HTATSF1: variants seen among roughly 807,000 people sequenced by gnomAD.
HTATSF1 encodes 17S U2 SnRNP complex component HTATSF1.
A neutral mutation model predicts 46.1 loss-of-function variants in HTATSF1; 6 were observed. The ratio of observed to expected loss-of-function variants is 0.13; its 90% confidence interval spans 0.07 to 0.26. The LOEUF (loss-of-function observed/expected upper bound fraction) is 0.26. HTATSF1 is among the 10% of genes least tolerant of loss of function. The probability of loss-of-function intolerance (pLI) is 1.00; values close to 1 mark genes in which losing one functional copy is unlikely to be tolerated. For synonymous variants in HTATSF1, 226 were observed against 211.5 expected (o/e 1.07, Z -0.60); for missense variants, 452 against 559.9 (o/e 0.81, Z 1.94).
Position 136,510,153 on chromosome X carries a change from C to G in HTATSF1, c.996C>G (p.Leu332=). The change falls in exon 8 of 9, where the codon CTC becomes CTG. Residue 332 remains leucine (L), a synonymous_variant. Transcript: ENST00000218364. ...PEEADYCIQT[L]DGRWFGGRQI... ...AAGCTGATTATTGTATTCAGACTCTCGATGGAAGATGGTTTGGTGGCCGTC... is the reference window on the plus strand; with the variant it reads ...AAGCTGATTATTGTATTCAGACTCTGGATGGAAGATGGTTTGGTGGCCGTC... 1 of 1,209,055 alleles carries G rather than the reference C, an allele frequency of 8.3e-7. No homozygotes were observed. Among genetic ancestry groups the G allele is most frequent in the East Asian group, 3.0e-5 (1 of 33,783 alleles).
At chrX:136,497,459 A>C (rs1157908306), upstream of HTATSF1, 5 of 171,155 alleles carry the variant, frequency 2.9e-5, no homozygotes, top group East Asian at 3.5e-4. Context: ...GGCGCGGCCG[A>C]GCTCACAGCA....
Position 136,500,740 on chromosome X carries a change from G to T in HTATSF1, c.492G>T (p.Gln164His). 1 of 1,134,422 alleles carries T rather than the reference G, an allele frequency of 8.8e-7. No individual in the cohort carries two copies. Among genetic ancestry groups the T allele is most frequent in the Non-Finnish European group, 1.2e-6 (1 of 851,164 alleles). 93.5% of individuals were successfully genotyped at this position (1,134,422 alleles called of 1,213,427 possible). Reference sequence around the variant, plus strand: ...TTGGCATTATTATGAGAGATCCTCAGACAGAAGAATTTAAGGTCAAACTTT... The same window carrying T: ...TTGGCATTATTATGAGAGATCCTCATACAGAAGAATTTAAGGTCAAACTTT... ...SKFGIIMRDP[Q>H]TEEFKVKLYK... The change falls in exon 4 of 9, where the codon CAG (glutamine) becomes CAT (histidine). Residue 164 changes from glutamine (Q) to histidine (H), a missense_variant. By Grantham distance (24) the Gln-to-His change is conservative. Coordinates refer to ENST00000218364, the MANE Select transcript of HTATSF1 (RefSeq NM_014500.5).
intron 5 of HTATSF1, among the ~76,000 whole-genome samples, chrX:136,503,814 A>G (rs1183972941): frequency 8.9e-6 from 1 of 111,811 alleles, no homozygotes; most frequent in East Asian, 2.8e-4. Context: ...GCCCTGAAAA[A>G]CATTTCATCT....
chrX:136,501,591 G>A (rs947940178), intron 4 of HTATSF1, among the ~76,000 whole-genome samples: 1 of 111,578 alleles, frequency 9.0e-6, no homozygotes, highest in Non-Finnish European at 1.9e-5. Flanking sequence ...ATTATCACAG[G>A]GTACAGAACA....
At chrX:136,499,180 G>A (rs753277734) in intron 1 of HTATSF1, among the ~76,000 whole-genome samples, 4 of 112,692 alleles carry the variant, frequency 3.5e-5, no homozygotes, top group Non-Finnish European at 5.6e-5. Context: ...TGTACAGTAA[G>A]AGAAAATTGG....
chrX:136,501,984 A>C (rs2075720406), intron 4 of HTATSF1, among the ~76,000 whole-genome samples: 1 of 111,994 alleles, frequency 8.9e-6, no homozygotes, highest in Non-Finnish European at 1.9e-5. Context: ...CAAGATTGTC[A>C]AAACAGTAAA....
At chrX:136,504,224 A>T (rs2075732052) in intron 5 of HTATSF1, 140 bp from the exon 6 acceptor site, 2 of 434,299 alleles carry the variant, frequency 4.6e-6, no homozygotes. Context: ...TATGACTGAA[A>T]TACAGTTTGT....
At chrX:136,510,408 AT>A (rs1473491207) in intron 8 of HTATSF1, among the ~76,000 whole-genome samples, 189 bp downstream of exon 8, 2 of 112,716 alleles carry the variant, frequency 1.8e-5, no homozygotes, top group African/African-American at 6.4e-5. Flanking sequence ...TTTAAATAAT[AT>A]TTTGCATTCA....
chrX:136,501,769 C>G (rs1017040620), intron 4 of HTATSF1, among the ~76,000 whole-genome samples: 2 of 111,708 alleles, frequency 1.8e-5, no homozygotes, highest in East Asian at 5.6e-4. Flanking sequence ...GGTTTTTGAC[C>G]TGAATCTTAA....
chrX:136,511,598 G>A lies in HTATSF1; in HGVS notation c.1853G>A (p.Arg618Lys), dbSNP rs146112744. 1.4e-4 allele frequency: 167 copies of A among 1,209,374 alleles called. No individual in the cohort carries two copies. The African/African-American group carries it at 2.6e-3, about 19-fold the overall frequency. Residue 618 changes from arginine to lysine, a missense_variant, in exon 9 of 9, where the codon AGA (arginine) becomes AAA (lysine). This residue lies in a region of HTATSF1 where 246 missense variants were observed against 245.3 expected (regional missense o/e 1.00). Transcript: ENST00000218364. Reference protein sequence around the residue: ...EKVLDEEGSEREFDEDSDEKE... With the variant: ...EKVLDEEGSEKEFDEDSDEKE... ...GTGTTAGATGAGGAAGGCTCTGAGA[G>A]AGAGTTTGACGAAGATTCAGATGAA...
rs45563032 is a variant in HTATSF1 at position 136,497,708 on chromosome X, G to C, written c.24G>C (p.Gly8=). Residue 8 remains glycine (G), a synonymous_variant, in exon 1 of 9, where the codon GGG becomes GGC. Transcript: ENST00000218364. Reference sequence around the variant, plus strand: ...ACATGAGCGGCACCAACTTGGATGGGAACGATGAGTTTGATGAGCAGTTGC... The same window carrying C: ...ACATGAGCGGCACCAACTTGGATGGCAACGATGAGTTTGATGAGCAGTTGC... MSGTNLD[G]NDEFDEQLRM... is the part of the protein sequence containing the mutation. 2.1e-3 allele frequency: 2,462 copies of C among 1,199,851 alleles called. 3 individuals are homozygous for C. The highest frequency in any genetic ancestry group is 2.7e-3 in the Non-Finnish European group (2,393 of 887,258).
At position 136,511,292 on chromosome X, in the gene HTATSF1, G is replaced by A; in HGVS notation, c.1547G>A (p.Gly516Asp). 1 of 1,208,265 alleles carries A rather than the reference G, an allele frequency of 8.3e-7. No homozygotes were observed. The highest frequency in any genetic ancestry group is 1.1e-6 in the Non-Finnish European group (1 of 894,668). The change falls in exon 9 of 9, where the codon GGC (glycine) becomes GAC (aspartate). Residue 516 changes from glycine to aspartate, a missense_variant. Physicochemically the swap from Gly to Asp is moderately conservative, Grantham distance 94. Around this residue, in one of 3 missense-constraint regions of HTATSF1, gnomAD observed 246 missense variants for 245.3 expected, o/e 1.00. Coordinates refer to ENST00000218364, the MANE Select transcript of HTATSF1 (RefSeq NM_014500.5). ...CTCAAAAATGATTGTGAAGAGAATG[G>A]CCTTGCAAAGGAATCTGAAGATGAC... ...KTLKNDCEEN[G>D]LAKESEDDLN... is the part of the protein sequence containing the mutation.
chrX:136,498,246 G>T (rs910177763), intron 1 of HTATSF1, among the ~76,000 whole-genome samples: 1 of 111,901 alleles, frequency 8.9e-6, no homozygotes, highest in African/African-American at 3.3e-5. Context: ...TGTACTATGT[G>T]CAAAATGCAG....
chrX:136,512,017 C>G lies in HTATSF1; in HGVS notation c.*4C>G. The stretch of plus-strand genomic sequence containing the variant: ...TGATGATGACGATGATATTTAATCC[C>G]TTAAACTTGCTTTTTAGGGAGAGTC... On this transcript the variant is annotated 3_prime_UTR_variant, in exon 9 of 9. Transcript: ENST00000218364. 2 of 1,185,459 alleles carry G rather than the reference C, an allele frequency of 1.7e-6. No homozygotes were observed. Among genetic ancestry groups the G allele is most frequent in the Non-Finnish European group, 1.1e-6 (1 of 883,321 alleles).
In HTATSF1 at chrX:136,509,159, T is replaced by C; in HGVS notation, c.903T>C (p.Ile301=). 8.4e-7 allele frequency: 1 copy of C among 1,196,085 alleles called. No homozygotes were observed. Among genetic ancestry groups the C allele is most frequent in the Non-Finnish European group, 1.1e-6 (1 of 881,379 alleles). The change falls in exon 7 of 9, where the codon ATT becomes ATC. Residue 301 remains isoleucine, a synonymous_variant. Transcript: ENST00000218364. ...TAGAGTGTTCGAAGTTTGGACAAAT[T>C]AGGAAACTCCTTCTCTTTGATGTAA... The part of the protein sequence containing the change: ...LRVECSKFGQ[I]RKLLLFDRHP...
chrX:136,509,764 C>T (rs2075758934), intron 7 of HTATSF1, among the ~76,000 whole-genome samples: 2 of 112,093 alleles, frequency 1.8e-5, no homozygotes, highest in South Asian at 7.5e-4. Flanking sequence ...CTGACAGAGC[C>T]AGGATTTAAT....
intron 7 of HTATSF1, 75 bp downstream of exon 7, chrX:136,509,255 T>C: frequency 1.5e-6 from 1 of 688,598 alleles, no homozygotes; most frequent in Admixed American, 2.4e-5. Flanking sequence ...CAGATGTTAG[T>C]ATACCCCTGA....
intron 4 of HTATSF1, among the ~76,000 whole-genome samples, chrX:136,502,052 G>A (rs1320092419): frequency 9.0e-6 from 1 of 111,537 alleles, no homozygotes. Context: ...GAGCAGCTGA[G>A]TTCAGTTATC....
rs1012889394 is a variant in HTATSF1 at position 136,512,143 on chromosome X, T to G, written c.*130T>G. The G allele has an allele frequency of 1.2e-5, 8 of 678,714 alleles. No homozygotes were observed. Among genetic ancestry groups the G allele is most frequent in the Non-Finnish European group, 1.3e-5 (6 of 463,527 alleles). The allele number at this position is 678,714 out of a possible 1,213,427, so 55.9% of individuals were successfully genotyped here. On this transcript the variant is annotated 3_prime_UTR_variant, in exon 9 of 9. Coordinates refer to ENST00000218364, the MANE Select transcript of HTATSF1 (RefSeq NM_014500.5). ...CATCAGATTAAAGCATTGAAGTGTT[T>G]CATTGTTACCTGTACCTAATGGTTT...
Sources: allele counts gnomAD v4.1 joint callset (sites outside exome capture counted in the v4.1 genomes callset), GRCh38; gene constraint gnomAD v4.1.1; regional missense constraint gnomAD v4.1.1; transcripts MANE v1.5; gene names NCBI Gene and HGNC (gene_info 2026-07-23, HGNC 2026-07-21).